VASN: variants seen among roughly 807,000 people sequenced by gnomAD.
VASN encodes protein slit-like 2.
Under a neutral mutation model 4.8 loss-of-function variants are expected in VASN, and 5 were observed. The ratio of observed to expected loss-of-function variants is 1.03; its 90% CI spans 0.54 to 2.17. VASN has a LOEUF of 2.17. VASN is among the 30% of genes most tolerant of loss of function. The pLI, the probability that VASN is intolerant of heterozygous loss-of-function variation, is 0.01. For synonymous variants in VASN, 499 were observed against 460.8 expected (o/e 1.08, Z -1.06); for missense variants, 927 against 948.8 (o/e 0.98, Z 0.30).
intron 1 of VASN, among the ~76,000 whole-genome samples, chr16:4,372,838 A>G (rs2054584185): frequency 6.6e-6 from 1 of 152,086 alleles, no homozygotes; most frequent in Admixed American, 6.5e-5. Flanking sequence ...TGCAGGGTGG[A>G]AGGAAGAGGT....
At chr16:4,374,359 G>A (rs1278854112) in intron 1 of VASN, among the ~76,000 whole-genome samples, 1 of 152,166 alleles carries the variant, frequency 6.6e-6, no homozygotes, top group Non-Finnish European at 1.5e-5. Context: ...GGTGTGAGGA[G>A]GCTGGAGGAG....
rs576963574 is a variant in VASN at position 4,381,629 on chromosome 16, G to T, written c.752G>T (p.Arg251Leu). 4 of 1,598,550 alleles carry T rather than the reference G, an allele frequency of 2.5e-6. No homozygotes were observed. The East Asian group carries it at 9.0e-5, about 36-fold the overall frequency. The part of the protein sequence containing the change: ...LTRLRLAGNT[R>L]IAQLRPEDLA... ...CGCCTGCGGCTGGCCGGCAACACCC[G>T]CATTGCCCAGCTGCGGCCCGAGGAC... The change falls in exon 2 of 2, where the codon CGC becomes CTC. Residue 251 changes from arginine (R) to leucine (L), a missense_variant. By Grantham distance (102) the Arg-to-Leu change is moderately radical. Transcript: ENST00000304735.
rs761908726 is a variant in VASN at position 4,381,610 on chromosome 16, C to A, written c.733C>A (p.Arg245=). Residue 245 remains arginine (R), a synonymous_variant, in exon 2 of 2, where the codon CGG becomes AGG. Coordinates refer to ENST00000304735, the MANE Select transcript of VASN (RefSeq NM_138440.3). Reference sequence around the variant, plus strand: ...AGGCCTCCGGGGCCTGACGCGCCTGCGGCTGGCCGGCAACACCCGCATTGC... The same window carrying A: ...AGGCCTCCGGGGCCTGACGCGCCTGAGGCTGGCCGGCAACACCCGCATTGC... ...IRGLRGLTRL[R]LAGNTRIAQL... The A allele has an allele frequency of 3.1e-6, 5 of 1,597,038 alleles. No individual in the cohort carries two copies. Among genetic ancestry groups the A allele is most frequent in the Non-Finnish European group, 4.3e-6 (5 of 1,172,694 alleles).
At chr16:4,373,996 G>A (rs948229892) in intron 1 of VASN, among the ~76,000 whole-genome samples, 19 of 152,092 alleles carry the variant, frequency 1.2e-4, no homozygotes, top group African/African-American at 4.6e-4. Flanking sequence ...TCCCTGGGCT[G>A]GGGAGCCCAA....
chr16:4,374,087 G>C (rs893810866), intron 1 of VASN, among the ~76,000 whole-genome samples: 1 of 124,930 alleles, frequency 8.0e-6, no homozygotes, highest in Admixed American at 8.5e-5. Context: ...GAGGGTGCAC[G>C]TGTGTGTGTG....
At chr16:4,380,425 G>A (rs534475253) in intron 1 of VASN, among the ~76,000 whole-genome samples, 5 of 152,352 alleles carry the variant, frequency 3.3e-5, no homozygotes, top group South Asian at 2.1e-4. Context: ...AGGAGCCGGC[G>A]GCCAAGGCAG....
rs2054929287 is a variant in VASN, at chr16:4,380,827, C to T, written c.-9-42C>T. On this transcript the variant is annotated intron_variant, in intron 1 of 1. Coordinates refer to ENST00000304735, the MANE Select transcript of VASN (RefSeq NM_138440.3). ...CCTGGCGTGTCTGCCTTCTAGGCCC[C>T]TGACTCACAGTCTTCTGTCTCTGCC... The T allele has an allele frequency of 9.8e-6, 14 of 1,432,154 alleles. No individual in the cohort carries two copies. The South Asian group carries it at 1.5e-4, about 15-fold the overall frequency. 88.7% of individuals were successfully genotyped at this position (1,432,154 alleles called of 1,614,324 possible).
rs765644688 is a variant in VASN, at chr16:4,382,288, G to A, written c.1411G>A (p.Val471Met). 1.2e-6 allele frequency: 2 copies of A among 1,609,942 alleles called. No individual in the cohort carries two copies. Among genetic ancestry groups the A allele is most frequent in the South Asian group, 1.1e-5 (1 of 90,520 alleles). ...GTCCCTGACCCTGGGCATCGAGCCGGTGAGCCCCACCTCCCTGCGCGTGGG... is the reference window on the plus strand; with the variant it reads ...GTCCCTGACCCTGGGCATCGAGCCGATGAGCCCCACCTCCCTGCGCGTGGG... ...PRSLTLGIEP[V>M]SPTSLRVGLQ... The change falls in exon 2 of 2, where the codon GTG (valine) becomes ATG (methionine). Residue 471 changes from valine to methionine, a missense_variant. By Grantham distance (21) the Val-to-Met change is conservative. Coordinates refer to ENST00000304735, the MANE Select transcript of VASN (RefSeq NM_138440.3).
At chr16:4,375,237 C>A (rs1003589731) in intron 1 of VASN, among the ~76,000 whole-genome samples, 8 of 152,162 alleles carry the variant, frequency 5.3e-5, no homozygotes, top group Non-Finnish European at 1.2e-4. Flanking sequence ...ACTGAAGGCA[C>A]CCACCTGGGG....
intron 1 of VASN, among the ~76,000 whole-genome samples, chr16:4,372,658 C>G (rs1278720572): frequency 6.6e-6 from 1 of 152,194 alleles, no homozygotes; most frequent in Non-Finnish European, 1.5e-5. Context: ...CAGCCTAGTC[C>G]TTTGTGTCCC....
At position 4,371,854 on chromosome 16, in the gene VASN, G is replaced by A. The variant is rs2054539813; in HGVS notation, c.-149G>A. On this transcript the variant is annotated 5_prime_UTR_variant, in exon 1 of 2. Transcript: ENST00000304735. ...GACCTGCCTCCAGCGAGCCGACTCC[G>A]GAGCCCGAGCCCGGGGCGGGTGGAC... is the stretch of plus-strand genomic sequence containing the variant. 1 of 152,116 alleles carries A rather than the reference G, an allele frequency of 6.6e-6. No individual in the cohort carries two copies. The highest frequency in any genetic ancestry group is 1.5e-5 in the Non-Finnish European group (1 of 67,986). The allele number at this position is 152,116 out of a possible 1,614,324, so 9.4% of individuals were successfully genotyped here. A position where few individuals can be genotyped will look rare whatever the true frequency, so the allele number is the denominator to read the frequency against.
chr16:4,380,737 C>T (rs1211053143), intron 1 of VASN, 132 bp from the exon 2 acceptor site: 15 of 1,061,116 alleles, frequency 1.4e-5, no homozygotes, highest in Admixed American at 3.1e-5. Context: ...CACTGGCGAC[C>T]TGACTCATAA....
intron 1 of VASN, 147 bp downstream of exon 1, chr16:4,372,140 C>T (rs1380996375): frequency 6.6e-6 from 1 of 151,806 alleles, no homozygotes; most frequent in Non-Finnish European, 1.5e-5. Flanking sequence ...CCTGGGCCGC[C>T]CGGCGGGCAG....
chr16:4,380,057 CAA>C (rs779747877), intron 1 of VASN, among the ~76,000 whole-genome samples: 11 of 90,084 alleles, frequency 1.2e-4, no homozygotes, highest in African/African-American at 2.5e-4. Context: ...GACTCCGTCT[CAA>C]AAAAAAAAAA....
intron 1 of VASN, among the ~76,000 whole-genome samples, chr16:4,378,336 G>A (rs1227627145): frequency 2.0e-5 from 3 of 152,052 alleles, no homozygotes; most frequent in Admixed American, 1.3e-4. Flanking sequence ...TGCGGCCACA[G>A]TGGTGGCCAG....
rs2055079032 is a variant in VASN at position 4,383,486 on chromosome 16, A to G, written c.*587A>G. 6.0e-6 allele frequency: 1 copy of G among 167,074 alleles called. No individual in the cohort carries two copies. The highest frequency in any genetic ancestry group is 1.5e-5 in the Non-Finnish European group (1 of 68,122). The allele number at this position is 167,074 out of a possible 1,614,324, so 10.3% of individuals were successfully genotyped here. A position where few individuals can be genotyped will look rare whatever the true frequency, so the allele number is the denominator to read the frequency against. ...TGGTTTTTGTAAGACAAACGATGAT[A>G]TGAAGGCCTTTTGTAAGAAAAAATA... On this transcript the variant is annotated 3_prime_UTR_variant, in exon 2 of 2. Transcript: ENST00000304735.
intron 1 of VASN, 41 bp from the exon 2 acceptor site, chr16:4,380,826 CCT>C: frequency 1.4e-6 from 2 of 1,431,316 alleles, no homozygotes; most frequent in East Asian, 2.5e-5. Flanking sequence ...CTTCTAGGCC[CCT>C]GACTCACAGT....
Position 4,383,017 on chromosome 16 carries a change from G to C in VASN, c.*118G>C. ...AACCTCGGGGATGTGTGCAGACAGG[G>C]CTGTGTGACCACAGCTGGGCCCTGT... On this transcript the variant is annotated 3_prime_UTR_variant, in exon 2 of 2. Coordinates refer to ENST00000304735, the MANE Select transcript of VASN (RefSeq NM_138440.3). 1.7e-6 allele frequency: 2 copies of C among 1,142,958 alleles called. No homozygotes were observed. The highest frequency in any genetic ancestry group is 2.7e-5 in the East Asian group (1 of 36,488). The allele number at this position is 1,142,958 out of a possible 1,614,324, so 70.8% of individuals were successfully genotyped here.
Position 4,381,886 on chromosome 16 carries a change from C to A in VASN, c.1009C>A (p.Arg337=), listed in dbSNP as rs143265649. 6.2e-7 allele frequency: 1 copy of A among 1,605,094 alleles called. No individual in the cohort carries two copies. The highest frequency in any genetic ancestry group is 1.3e-5 in the African/African-American group (1 of 75,020). The change falls in exon 2 of 2, where the codon CGG becomes AGG. Residue 337 remains arginine (R), a synonymous_variant. Transcript: ENST00000304735. ...CCACTTCCCGCCCAAGAACGCTGGC[C>A]GGCTGCTCCTGGAGCTTGACTACGC... ...RCHFPPKNAG[R]LLLELDYADF... is the part of the protein sequence containing the mutation.
Sources: allele counts gnomAD v4.1 joint callset (sites outside exome capture counted in the v4.1 genomes callset), GRCh38; gene constraint gnomAD v4.1.1; transcripts MANE v1.5; gene names NCBI Gene and HGNC (gene_info 2026-07-23, HGNC 2026-07-21).